The following BPIFC variants were observed in gnomAD, a reference collection of about 807,000 sequenced individuals.
The protein encoded by BPIFC is BPI fold-containing family C protein.
Under a neutral mutation model 57.6 loss-of-function variants are expected in BPIFC, and 60 were observed. The observed-to-expected ratio is 1.04, with a 90% CI of 0.85 to 1.29. The LOEUF (loss-of-function observed/expected upper bound fraction) is 1.29. Among genes scored for constraint, BPIFC ranks in the 50% most tolerant of loss-of-function variants. The probability of loss-of-function intolerance (pLI) is 0.00; values close to 1 mark genes in which losing one functional copy is unlikely to be tolerated. For missense variants in BPIFC, 581 were observed against 600.5 expected (o/e 0.97, Z 0.34); for synonymous variants, 243 against 224.5 (o/e 1.08, Z -0.74).
intron 4 of BPIFC, among the ~76,000 whole-genome samples, chr22:32,453,062 T>G (rs191783422): frequency 1.3e-3 from 197 of 152,330 alleles, no homozygotes; most frequent in African/African-American, 4.5e-3. Context: ...TTCTGTCCAT[T>G]GTTGGTTAGG....
intron 4 of BPIFC, among the ~76,000 whole-genome samples, chr22:32,453,032 A>G (rs1009430584): frequency 5.9e-5 from 9 of 152,208 alleles, no homozygotes; most frequent in Admixed American, 1.3e-4. Flanking sequence ...CTTGCTAATA[A>G]ATGTGGCCAT....
intron 16 of BPIFC, 123 bp from the exon 17 acceptor site, chr22:32,414,548 C>T: frequency 8.1e-7 from 1 of 1,235,170 alleles, no homozygotes. Context: ...GTCTCAAAGG[C>T]TGTCGCCCAG....
chr22:32,458,342 C>T (rs555273563), intron 2 of BPIFC, among the ~76,000 whole-genome samples: 4 of 152,274 alleles, frequency 2.6e-5, no homozygotes, highest in African/African-American at 9.6e-5. Flanking sequence ...TCAAAGAACC[C>T]GGTCTTGCAC....
rs71184579 is a variant in BPIFC at position 32,424,578 on chromosome 22, TTC to T, written c.1218-5176_1218-5175del. On this transcript the variant is annotated intron_variant, in intron 13 of 16. Transcript: ENST00000300399. ...TAAATCTTAAGTGTTATTTTCTTTC[TTC>T]TTCTTCTTCTTCTTCTTCTTCTCCT... Among the ~76,000 whole-genome samples, 102 of 72,586 alleles carry T rather than the reference TTC, an allele frequency of 1.4e-3. 4 individuals carry two copies. Among genetic ancestry groups the T allele is most frequent in the Middle Eastern group, 6.1e-3 (1 of 164 alleles). The allele number at this position is 72,586 out of a possible 152,430, so 47.6% of individuals were successfully genotyped here. A position where few individuals can be genotyped will look rare whatever the true frequency, so the allele number is the denominator to read the frequency against.
chr22:32,463,725 A>T (rs1436564140), intron 1 of BPIFC, among the ~76,000 whole-genome samples: 1 of 152,228 alleles, frequency 6.6e-6, no homozygotes, highest in Non-Finnish European at 1.5e-5. Flanking sequence ...CGTACATAAG[A>T]AGTCTAAATC....
intron 5 of BPIFC, 33 bp from the exon 6 acceptor site, chr22:32,446,029 G>T: frequency 6.2e-7 from 1 of 1,609,442 alleles, no homozygotes; most frequent in South Asian, 1.1e-5. Context: ...ATCCAAGCCT[G>T]AGTCAGGCAC....
At chr22:32,443,092 G>T (rs1274714377) in intron 7 of BPIFC, among the ~76,000 whole-genome samples, 2 of 152,110 alleles carry the variant, frequency 1.3e-5, no homozygotes, top group Non-Finnish European at 2.9e-5. Flanking sequence ...CTGACTGCTG[G>T]GGGTGCCGCC....
chr22:32,459,133 A>G (rs1935105076), intron 2 of BPIFC, among the ~76,000 whole-genome samples: 1 of 152,200 alleles, frequency 6.6e-6, no homozygotes, highest in Admixed American at 6.5e-5. Context: ...CTGCACTTAC[A>G]CATGCAAAAG....
At chr22:32,433,059 T>C (rs1024067036) in intron 11 of BPIFC, among the ~76,000 whole-genome samples, 1 of 152,098 alleles carries the variant, frequency 6.6e-6, no homozygotes, top group African/African-American at 2.4e-5. Flanking sequence ...AAAAATTAGC[T>C]GGGCATAGTG....
intron 14 of BPIFC, among the ~76,000 whole-genome samples, chr22:32,418,162 T>A (rs146463601): frequency 6.6e-6 from 1 of 152,376 alleles, no homozygotes; most frequent in African/African-American, 2.4e-5. Flanking sequence ...GTGGTCAGTG[T>A]GCTAAGTGCA....
In BPIFC at chr22:32,424,603, C is replaced by CTTCTTCTTCTT. The variant is rs1556036435; in HGVS notation, c.1218-5200_1218-5199insAAGAAGAAGAA. Among the ~76,000 whole-genome samples the CTTCTTCTTCTT allele has an allele frequency of 3.4e-3, 132 of 38,970 alleles. 10 individuals are homozygous for CTTCTTCTTCTT. Among genetic ancestry groups the CTTCTTCTTCTT allele is most frequent in the East Asian group, 6.2e-3 (13 of 2,096 alleles). 25.6% of individuals were successfully genotyped at this position (38,970 alleles called of 152,430 possible). ...TTCTTCTTCTTCTTCTTCTTCTTCT[C>CTTCTTCTTCTT]CTCCTCCTCCTCCTCCTCCTCCTCC... On this transcript the variant is annotated intron_variant, in intron 13 of 16. Coordinates refer to ENST00000300399, the MANE Select transcript of BPIFC (RefSeq NM_174932.3).
chr22:32,445,369 C>T (rs1266882606), intron 7 of BPIFC, among the ~76,000 whole-genome samples: 2 of 152,078 alleles, frequency 1.3e-5, no homozygotes, highest in African/African-American at 4.8e-5. Flanking sequence ...AACCCCGTCT[C>T]TACTAAAAAT....
chr22:32,445,712 T>TAAAAAAAAAAAAA lies in BPIFC; in HGVS notation c.531-15_531-14insTTTTTTTTTTTTT. 5.9e-6 allele frequency: 1 copy of TAAAAAAAAAAAAA among 169,414 alleles called. No individual in the cohort carries two copies. Among genetic ancestry groups the TAAAAAAAAAAAAA allele is most frequent in the South Asian group, 1.9e-4 (1 of 5,378 alleles). 10.5% of individuals were successfully genotyped at this position (169,414 alleles called of 1,614,324 possible). On this transcript the variant is annotated splice_polypyrimidine_tract_variant and intron_variant, in intron 6 of 16. Coordinates refer to ENST00000300399, the MANE Select transcript of BPIFC (RefSeq NM_174932.3). ...TTATACAGAACACTGAGGAAAAAAA[T>TAAAAAAAAAAAAA]GAAAAAAAAAAAAAAAAAAAAAAGA...
chr22:32,417,189 C>G (rs1601439610), intron 14 of BPIFC, 41 bp from the exon 15 acceptor site: 5 of 978,048 alleles, frequency 5.1e-6, no homozygotes, highest in Admixed American at 2.4e-5. Context: ...GCAGATCGGG[C>G]TTTTTTTTTT....
chr22:32,423,013 G>A (rs952152830), intron 13 of BPIFC, among the ~76,000 whole-genome samples: 1 of 152,160 alleles, frequency 6.6e-6, no homozygotes, highest in East Asian at 1.9e-4. Context: ...ATAAATGAGC[G>A]GATGAAGGAC....
chr22:32,458,031 G>A (rs755151530), intron 2 of BPIFC, among the ~76,000 whole-genome samples: 3 of 152,138 alleles, frequency 2.0e-5, no homozygotes, highest in Non-Finnish European at 4.4e-5. Flanking sequence ...GCCAGAGTGA[G>A]CCTCTTAAAA....
intron 13 of BPIFC, among the ~76,000 whole-genome samples, chr22:32,419,767 C>G (rs1176422374): frequency 7.2e-6 from 1 of 139,360 alleles, no homozygotes; most frequent in Non-Finnish European, 1.5e-5. Flanking sequence ...GATCATGCCA[C>G]TGCACTCCAG....
intron 5 of BPIFC, 93 bp downstream of exon 5, chr22:32,447,119 G>A: frequency 1.4e-6 from 2 of 1,399,452 alleles, no homozygotes. Flanking sequence ...AGGGAAAGAA[G>A]CCTATTGCCA....
chr22:32,419,529 C>A, intron 13 of BPIFC, 125 bp from the exon 14 acceptor site: 1 of 945,880 alleles, frequency 1.1e-6, no homozygotes, highest in Admixed American at 2.5e-5. Context: ...CAAGGCTGGG[C>A]ATGGTGGCCC....
Sources: allele counts gnomAD v4.1 joint callset (sites outside exome capture counted in the v4.1 genomes callset), GRCh38; gene constraint gnomAD v4.1.1; transcripts MANE v1.5; gene names NCBI Gene and HGNC (gene_info 2026-07-23, HGNC 2026-07-21).